The following ERICH6B variants were observed in gnomAD, a reference collection of about 807,000 sequenced individuals.
The protein encoded by ERICH6B is glutamate rich 6B.
ERICH6B carries 69 observed loss-of-function variants against 80.0 expected under a neutral mutation model. The observed-to-expected ratio is 0.86, with a 90% CI of 0.71 to 1.05. ERICH6B has a LOEUF of 1.05. Ranked by LOEUF, ERICH6B falls within the 50% of genes least tolerant of loss-of-function variation. The probability of loss-of-function intolerance (pLI) is 0.00; values close to 1 mark genes in which losing one functional copy is unlikely to be tolerated. For synonymous variants in ERICH6B, 283 were observed against 291.9 expected (o/e 0.97, Z 0.31); for missense variants, 754 against 796.1 (o/e 0.95, Z 0.64).
intron 14 of ERICH6B, among the ~76,000 whole-genome samples, chr13:45,543,159 G>A (rs1873851527): frequency 6.6e-6 from 1 of 152,138 alleles, no homozygotes. Context: ...CGGGGGAGCT[G>A]AGCAGGAAGA....
intron 8 of ERICH6B, 64 bp from the exon 9 acceptor site, chr13:45,568,515 CT>C: frequency 7.2e-7 from 1 of 1,389,432 alleles, no homozygotes; most frequent in African/African-American, 1.5e-5. Flanking sequence ...TAGTTAATCA[CT>C]TTTCTGACTC....
chr13:45,563,377 T>C (rs183586890), intron 10 of ERICH6B, among the ~76,000 whole-genome samples: 355 of 152,294 alleles, frequency 2.3e-3, no homozygotes, highest in African/African-American at 6.5e-3. Flanking sequence ...TTCTGGAGCA[T>C]TCTCTTTCAA....
Position 45,561,351 on chromosome 13 carries a change from A to G in ERICH6B, c.1407+18T>C, listed in dbSNP as rs1445104400. On this transcript the variant is annotated intron_variant, in intron 11 of 14. Transcript: ENST00000298738. ...ATCCTGTGCAAAGTAAAAAACAGCA[A>G]TGTACTGTCCCTCTTACCACTGTCT... 1 of 1,549,108 alleles carries G rather than the reference A, an allele frequency of 6.5e-7. No homozygotes were observed. The highest frequency in any genetic ancestry group is 1.2e-5 in the South Asian group (1 of 83,656).
At chr13:45,544,218 G>A (rs1053056338) in intron 14 of ERICH6B, among the ~76,000 whole-genome samples, 1 of 152,116 alleles carries the variant, frequency 6.6e-6, no homozygotes, top group Admixed American at 6.5e-5. Context: ...GATTAAAGGC[G>A]TGAGCCACTG....
intron 10 of ERICH6B, among the ~76,000 whole-genome samples, chr13:45,563,152 G>A (rs2986002): frequency 0.42 from 64,243 of 151,892 alleles, 14,021 homozygotes; most frequent in East Asian, 0.65. Flanking sequence ...AAATGCCTTT[G>A]GTCTCTTGGT....
intron 7 of ERICH6B, among the ~76,000 whole-genome samples, chr13:45,579,329 T>C (rs1481003969): frequency 6.6e-6 from 1 of 152,158 alleles, no homozygotes; most frequent in Non-Finnish European, 1.5e-5. Context: ...CTGATCCTTC[T>C]CCCACTACCC....
chr13:45,561,357 T>G lies in ERICH6B; in HGVS notation c.1407+12A>C, dbSNP rs980574971. The stretch of plus-strand genomic sequence containing the variant: ...TGCAAAGTAAAAAACAGCAATGTAC[T>G]GTCCCTCTTACCACTGTCTTCTTCT... On this transcript the variant is annotated intron_variant, in intron 11 of 14. Transcript: ENST00000298738. 2.6e-6 allele frequency: 4 copies of G among 1,551,272 alleles called. No homozygotes were observed. The African/African-American group carries it at 4.1e-5, about 16-fold the overall frequency.
chr13:45,555,908 C>T (rs1874416524), intron 11 of ERICH6B, among the ~76,000 whole-genome samples: 1 of 150,280 alleles, frequency 6.7e-6, no homozygotes, highest in Admixed American at 6.7e-5. Flanking sequence ...TATTTCTTTC[C>T]CACTTGCCTA....
chr13:45,566,092 G>T (rs1331583051), intron 9 of ERICH6B, among the ~76,000 whole-genome samples: 1 of 152,160 alleles, frequency 6.6e-6, no homozygotes, highest in East Asian at 1.9e-4. Context: ...CAGCATTTTT[G>T]CCCCTGCCCT....
intron 4 of ERICH6B, 111 bp from the exon 5 acceptor site, chr13:45,587,343 G>T (rs1408291684): frequency 7.0e-6 from 6 of 861,972 alleles, no homozygotes. Flanking sequence ...AGACCCAGAT[G>T]ATGGACATCT....
rs143506687 is a variant in ERICH6B at position 45,584,221 on chromosome 13, C to A, written c.856+2842G>T. Among the ~76,000 whole-genome samples, 707 of 152,354 alleles carry A rather than the reference C, an allele frequency of 4.6e-3. 4 individuals are homozygous for A. The highest frequency in any genetic ancestry group is 0.016 in the African/African-American group (658 of 41,578). ...CTGGCTGACTTGGTTTATGATCCTG[C>A]TCTGTGCCTGGATAGACACATGAGG... On this transcript the variant is annotated intron_variant, in intron 5 of 14. Coordinates refer to ENST00000298738, the MANE Select transcript of ERICH6B (RefSeq NM_182542.3).
At chr13:45,602,944 C>T (rs976171017) in intron 2 of ERICH6B, among the ~76,000 whole-genome samples, 6 of 152,202 alleles carry the variant, frequency 3.9e-5, no homozygotes, top group African/African-American at 1.4e-4. Flanking sequence ...AATTGGCTCA[C>T]ACAATTTTGG....
rs568724812 is a variant in ERICH6B at position 45,542,537 on chromosome 13, C to T, written c.1873-857G>A. On this transcript the variant is annotated intron_variant, in intron 14 of 14. Transcript: ENST00000298738. ...CAGCTGCCCCTCCCCGGGACTCTAG[C>T]TCTCCAAGGCGTCAGGCCCCCTGGT... is the stretch of plus-strand genomic sequence containing the variant. 1.4e-3 allele frequency among the ~76,000 whole-genome samples: 219 copies of T among 152,310 alleles called. 1 individual carries two copies. Among genetic ancestry groups the T allele is most frequent in the Non-Finnish European group, 1.8e-3 (123 of 68,024 alleles).
intron 8 of ERICH6B, among the ~76,000 whole-genome samples, chr13:45,573,226 G>T (rs973820931): frequency 6.6e-6 from 1 of 152,124 alleles, no homozygotes; most frequent in Non-Finnish European, 1.5e-5. Flanking sequence ...TCCATTGACA[G>T]GGTGCTAGTT....
At chr13:45,566,627 C>G (rs1874926464) in intron 9 of ERICH6B, among the ~76,000 whole-genome samples, 1 of 152,232 alleles carries the variant, frequency 6.6e-6, no homozygotes, top group African/African-American at 2.4e-5. Context: ...TGTGAGTGCA[C>G]AGAAGTCAAG....
intron 13 of ERICH6B, 134 bp downstream of exon 13, chr13:45,549,759 C>A (rs1230628277): frequency 9.9e-7 from 1 of 1,010,480 alleles, no homozygotes; most frequent in Admixed American, 2.7e-5. Flanking sequence ...ACTGGTCCAT[C>A]ATGGTGCTCA....
At position 45,563,752 on chromosome 13, in the gene ERICH6B, G is replaced by T. The variant is rs1377718890; in HGVS notation, c.1224C>A (p.Ile408=). The T allele has an allele frequency of 7.7e-6, 12 of 1,552,190 alleles. No homozygotes were observed. Among genetic ancestry groups the T allele is most frequent in the Admixed American group, 2.0e-5 (1 of 50,994 alleles). Reference sequence around the variant, plus strand: ...CTTCACGTCTCCTCTTAATCCGTAAGATTGTTTCCTTGAACTTTTCATAAT... The same window carrying T: ...CTTCACGTCTCCTCTTAATCCGTAATATTGTTTCCTTGAACTTTTCATAAT... ...KKNYEKFKET[I]LRIKRRREAQ... The change falls in exon 10 of 15, where the codon ATC becomes ATA. Residue 408 remains isoleucine, a synonymous_variant. Transcript: ENST00000298738.
At chr13:45,563,224 C>T (rs564991185) in intron 10 of ERICH6B, among the ~76,000 whole-genome samples, 10 of 152,242 alleles carry the variant, frequency 6.6e-5, no homozygotes, top group South Asian at 2.1e-4. Context: ...ACCCCACTCC[C>T]CCAAATCTGT....
Position 45,550,246 on chromosome 13 carries a change from C to T in ERICH6B, c.1478G>A (p.Gly493Glu). 1.3e-6 allele frequency: 2 copies of T among 1,551,478 alleles called. No individual in the cohort carries two copies. Among genetic ancestry groups the T allele is most frequent in the African/African-American group, 2.7e-5 (2 of 73,152 alleles). The change falls in exon 12 of 15, where the codon GGG becomes GAG. Residue 493 changes from glycine to glutamate, a missense_variant. Physicochemically the swap from Gly to Glu is moderately conservative, Grantham distance 98 (BLOSUM62 -2). Transcript: ENST00000298738. ...KNVYQILFPDGTGQIHYPSGN... is the reference protein window; with the variant it reads ...KNVYQILFPDETGQIHYPSGN... ...CTGTGGATACTGTATCTGGCCTGTC[C>T]CATCAGGAAAGAGAATTTGATAGAC...
Sources: gnomAD v4.1 joint callset for allele counts (sites outside exome capture counted in the v4.1 genomes callset) on GRCh38, gnomAD v4.1.1 for gene constraint, MANE v1.5 for transcripts, NCBI Gene and HGNC (gene_info 2026-07-23, HGNC 2026-07-21) for gene names.